Variants in CCDC63 observed in about 807,000 individuals in gnomAD.
CCDC63 encodes the protein coiled-coil domain-containing protein 63.
Under a neutral mutation model 63.6 loss-of-function variants are expected in CCDC63, and 54 were observed. The observed-to-expected ratio is 0.85, with a 90% CI of 0.68 to 1.07. The LOEUF is 1.07. Ranked by LOEUF, CCDC63 falls within the 50% of genes least tolerant of loss-of-function variation. CCDC63 has a pLI of 0.00. For missense variants in CCDC63, 637 were observed against 689.6 expected, an observed-to-expected ratio of 0.92 and a Z score of 0.86; for synonymous variants, 253 against 266.1, an observed-to-expected ratio of 0.95 and a Z score of 0.48.
chr12:110,860,746 C>T (rs971258784), intron 4 of CCDC63, among the ~76,000 whole-genome samples: 1 of 152,050 alleles, frequency 6.6e-6, no homozygotes, highest in African/African-American at 2.4e-5. Flanking sequence ...GGCACCCCCA[C>T]GCCCACCTAA....
chr12:110,866,632 G>A (rs1007971425), intron 4 of CCDC63, among the ~76,000 whole-genome samples: 50 of 151,364 alleles, frequency 3.3e-4, no homozygotes, highest in African/African-American at 1.1e-3. Context: ...CACAGGGTTG[G>A]GGGTAAGGTC....
intron 8 of CCDC63, among the ~76,000 whole-genome samples, chr12:110,892,210 G>T (rs1336034910): frequency 2.6e-5 from 4 of 152,150 alleles, no homozygotes; most frequent in African/African-American, 9.7e-5. Flanking sequence ...CAATACCATA[G>T]CCACCAGCCA....
At chr12:110,891,634 C>CAAAA (rs1167265918) in intron 8 of CCDC63, among the ~76,000 whole-genome samples, 45 of 65,390 alleles carry the variant, frequency 6.9e-4, no homozygotes, top group African/African-American at 2.2e-3. Context: ...GACCCTTTCT[C>CAAAA]AAAAAAAAAA....
At chr12:110,898,603 G>A (rs1291609301) in intron 9 of CCDC63, among the ~76,000 whole-genome samples, 1 of 145,190 alleles carries the variant, frequency 6.9e-6, no homozygotes, top group Non-Finnish European at 1.5e-5. Context: ...GGGTGACAGA[G>A]TGAGACTCTG....
At chr12:110,871,913 TTA>T (rs1421092706) in intron 4 of CCDC63, among the ~76,000 whole-genome samples, 2 of 152,210 alleles carry the variant, frequency 1.3e-5, no homozygotes, top group Non-Finnish European at 1.5e-5. Flanking sequence ...TCATTCAACA[TTA>T]TGTCTGCCAA....
intron 8 of CCDC63, among the ~76,000 whole-genome samples, chr12:110,890,905 T>C (rs1286068665): frequency 6.6e-6 from 1 of 150,606 alleles, no homozygotes; most frequent in African/African-American, 2.4e-5. Context: ...GCCTCCCGAG[T>C]ATCTGGGGAC....
In CCDC63 at chr12:110,881,202, G is replaced by A. The variant is rs1054986926; in HGVS notation, c.759G>A (p.Glu253=). 1 of 1,613,794 alleles carries A rather than the reference G, an allele frequency of 6.2e-7. No homozygotes were observed. The highest frequency in any genetic ancestry group is 1.3e-5 in the African/African-American group (1 of 75,000). The change falls in exon 7 of 12, where the codon GAG becomes GAA. Residue 253 remains glutamate, a synonymous_variant. Transcript: ENST00000308208. ...ACAACCTGGAGATCCGAGAGCTGGA[G>A]CGTCTCTATGCCCATGAGAGCAAGC... The part of the protein sequence containing the change: ...SQYNLEIREL[E]RLYAHESKLK...
At chr12:110,866,860 G>A (rs1186012050) in intron 4 of CCDC63, among the ~76,000 whole-genome samples, 2 of 144,446 alleles carry the variant, frequency 1.4e-5, no homozygotes, top group Admixed American at 6.9e-5. Context: ...GGTGGTGGCC[G>A]GGCAGAGGGG....
intron 10 of CCDC63, among the ~76,000 whole-genome samples, chr12:110,900,191 T>TAACA (rs1282285978): frequency 6.6e-6 from 1 of 152,038 alleles, no homozygotes; most frequent in African/African-American, 2.4e-5. Flanking sequence ...CCAGCCTGGG[T>TAACA]AACAGAGCAA....
intron 4 of CCDC63, among the ~76,000 whole-genome samples, chr12:110,865,133 G>C (rs1005544372): frequency 1.6e-4 from 25 of 152,188 alleles, no homozygotes; most frequent in African/African-American, 4.6e-4. Context: ...CAGGCAGAGG[G>C]GGTTTCTCAC....
chr12:110,888,236 A>G (rs1001979843), intron 8 of CCDC63, among the ~76,000 whole-genome samples: 3 of 152,144 alleles, frequency 2.0e-5, no homozygotes, highest in East Asian at 3.9e-4. Flanking sequence ...CTTTGCGGGC[A>G]GGCCTGGAAG....
intron 4 of CCDC63, among the ~76,000 whole-genome samples, chr12:110,873,129 G>A (rs973400138): frequency 1.3e-5 from 2 of 152,116 alleles, no homozygotes; most frequent in African/African-American, 2.4e-5. Flanking sequence ...CCAGTTACTC[G>A]AGACGCTAAG....
chr12:110,894,203 G>GCAACAA (rs71083162), intron 9 of CCDC63, among the ~76,000 whole-genome samples: 2 of 151,504 alleles, frequency 1.3e-5, no homozygotes, highest in African/African-American at 4.9e-5. Flanking sequence ...AGTGGGAGCT[G>GCAACAA]CAACAACAAC....
At chr12:110,900,515 A>G (rs2071472569) in intron 10 of CCDC63, among the ~76,000 whole-genome samples, 1 of 152,120 alleles carries the variant, frequency 6.6e-6, no homozygotes, top group Admixed American at 6.5e-5. Context: ...CTAAGCTCAG[A>G]GAGGACAGGG....
At chr12:110,899,482 C>T (rs1332961226) in intron 10 of CCDC63, among the ~76,000 whole-genome samples, 1 of 152,042 alleles carries the variant, frequency 6.6e-6, no homozygotes, top group Admixed American at 6.6e-5. Context: ...CCATACACGG[C>T]TGATTTTTTG....
At chr12:110,875,337 A>G (rs2071116801) in intron 5 of CCDC63, among the ~76,000 whole-genome samples, 1 of 152,230 alleles carries the variant, frequency 6.6e-6, no homozygotes, top group African/African-American at 2.4e-5. Context: ...TTGGTTAAGA[A>G]TCATAGATTT....
At chr12:110,850,310 C>T (rs986683022) in intron 1 of CCDC63, among the ~76,000 whole-genome samples, 3 of 152,214 alleles carry the variant, frequency 2.0e-5, no homozygotes, top group African/African-American at 4.8e-5. Flanking sequence ...GAGAGCCCTG[C>T]CTGGATCTGA....
intron 4 of CCDC63, among the ~76,000 whole-genome samples, chr12:110,868,814 A>G (rs2136675761): frequency 6.9e-6 from 1 of 144,438 alleles, no homozygotes; most frequent in East Asian, 2.1e-4. Context: ...AGCTTAAGCC[A>G]CTCTTTAGTT....
intron 11 of CCDC63, among the ~76,000 whole-genome samples, chr12:110,905,311 T>C (rs1028452040): frequency 1.1e-4 from 17 of 152,020 alleles, no homozygotes; most frequent in African/African-American, 3.9e-4. Context: ...AGCGAAATGG[T>C]CAACTGTGGC....
Sources: gnomAD v4.1 joint callset for allele counts (sites outside exome capture counted in the v4.1 genomes callset) on GRCh38, gnomAD v4.1.1 for gene constraint, MANE v1.5 for transcripts, NCBI Gene and HGNC (gene_info 2026-07-23, HGNC 2026-07-21) for gene names.